The following PSD3 variants were observed in gnomAD, a reference collection of about 807,000 sequenced individuals.
The protein encoded by PSD3 is PH and SEC7 domain-containing protein 3.
PSD3 carries 49 observed loss-of-function variants against 105.5 expected under a neutral mutation model. The ratio of observed to expected loss-of-function variants is 0.46; its 90% CI spans 0.37 to 0.59. The LOEUF (loss-of-function observed/expected upper bound fraction) is 0.59. PSD3 is among the 20% of genes least tolerant of loss of function. The probability of loss-of-function intolerance (pLI) is 0.00; values close to 1 mark genes in which losing one functional copy is unlikely to be tolerated. For missense variants in PSD3, 1,561 were observed against 1,263.8 expected (o/e 1.24, Z -3.57); for synonymous variants, 557 against 457.8 (o/e 1.22, Z -2.77).
intron 1 of PSD3, among the ~76,000 whole-genome samples, chr8:19,055,158 T>C (rs753512295): frequency 2.0e-5 from 3 of 152,242 alleles, no homozygotes; most frequent in Non-Finnish European, 2.9e-5. Context: ...GATGTTGCTA[T>C]GTTGCCATAG....
chr8:18,737,845 G>A (rs559744051), intron 9 of PSD3, among the ~76,000 whole-genome samples: 1 of 152,186 alleles, frequency 6.6e-6, no homozygotes, highest in Admixed American at 6.5e-5. Context: ...TTCTAACTTT[G>A]ATTTTGACCT....
At chr8:18,580,899 C>T (rs1212342273) in intron 12 of PSD3, among the ~76,000 whole-genome samples, 1 of 152,150 alleles carries the variant, frequency 6.6e-6, no homozygotes, top group African/African-American at 2.4e-5. Context: ...CCACCTACAC[C>T]CGTCGCTCTT....
chr8:18,988,161 G>C (rs907879575), intron 1 of PSD3, among the ~76,000 whole-genome samples: 20 of 150,482 alleles, frequency 1.3e-4, no homozygotes, highest in Admixed American at 1.1e-3. Context: ...AAGGAGACCA[G>C]AAAGCAGCCT....
chr8:18,634,456 T>C (rs1380400470), intron 10 of PSD3, among the ~76,000 whole-genome samples: 2 of 152,174 alleles, frequency 1.3e-5, no homozygotes, highest in African/African-American at 4.8e-5. Flanking sequence ...ATTTCAAAAC[T>C]AAAAAATTAA....
At chr8:18,562,152 G>A (rs962252786) in intron 14 of PSD3, among the ~76,000 whole-genome samples, 3 of 152,144 alleles carry the variant, frequency 2.0e-5, no homozygotes, top group Admixed American at 1.3e-4. Flanking sequence ...CATACAGCAG[G>A]CACTGTGCTG....
At chr8:19,034,335 C>T (rs1040085179) in intron 1 of PSD3, among the ~76,000 whole-genome samples, 1 of 152,228 alleles carries the variant, frequency 6.6e-6, no homozygotes, top group South Asian at 2.1e-4. Context: ...GTCCTTTCTC[C>T]CTTCCTTCTG....
At chr8:18,805,681 C>G (rs1017531067) in intron 4 of PSD3, among the ~76,000 whole-genome samples, 4 of 152,272 alleles carry the variant, frequency 2.6e-5, no homozygotes, top group Admixed American at 2.0e-4. Flanking sequence ...CATTGGTTAT[C>G]TGCAAAACAT....
At chr8:18,960,704 C>G (rs543829173) in intron 1 of PSD3, among the ~76,000 whole-genome samples, 1 of 152,142 alleles carries the variant, frequency 6.6e-6, no homozygotes, top group Middle Eastern at 3.4e-3. Flanking sequence ...ATAACGAAGA[C>G]AATTTAAAGA....
intron 12 of PSD3, among the ~76,000 whole-genome samples, chr8:18,599,127 G>T (rs1007981905): frequency 3.3e-5 from 5 of 151,998 alleles, no homozygotes. Flanking sequence ...GAAGAACAAA[G>T]CTGTAGGCCT....
intron 11 of PSD3, among the ~76,000 whole-genome samples, chr8:18,605,116 C>A (rs140159367): frequency 7.9e-5 from 12 of 152,242 alleles, no homozygotes; most frequent in Non-Finnish European, 1.8e-4. Flanking sequence ...TCCTCCAGAC[C>A]TCAGAATGGT....
intron 11 of PSD3, among the ~76,000 whole-genome samples, chr8:18,619,056 T>C (rs1290970800): frequency 1.3e-5 from 2 of 152,092 alleles, no homozygotes; most frequent in East Asian, 1.9e-4. Flanking sequence ...CAAAGTGTTT[T>C]TTAAAAAATA....
chr8:18,717,409 G>A (rs1305288140), intron 9 of PSD3, among the ~76,000 whole-genome samples: 1 of 151,900 alleles, frequency 6.6e-6, no homozygotes, highest in Non-Finnish European at 1.5e-5. Context: ...TCTGCCAGGA[G>A]CATTTATTAC....
At chr8:19,074,611 A>ATTTTTT (rs1206111403) in intron 1 of PSD3, among the ~76,000 whole-genome samples, 8 of 24,224 alleles carry the variant, frequency 3.3e-4, no homozygotes, top group Admixed American at 1.4e-3. Context: ...ATATATATAT[A>ATTTTTT]TTTTTTTTTT....
intron 1 of PSD3, among the ~76,000 whole-genome samples, chr8:18,992,952 T>C (rs1825884895): frequency 6.6e-6 from 1 of 152,162 alleles, no homozygotes; most frequent in Non-Finnish European, 1.5e-5. Flanking sequence ...ATAAAAATAA[T>C]CTGATTAAAG....
intron 4 of PSD3, among the ~76,000 whole-genome samples, chr8:18,840,706 G>C (rs1814549844): frequency 6.6e-6 from 1 of 152,130 alleles, no homozygotes; most frequent in South Asian, 2.1e-4. Context: ...TCTGACTTTA[G>C]AGACCACACC....
chr8:18,907,400 C>A (rs1819915371), intron 2 of PSD3, among the ~76,000 whole-genome samples: 1 of 152,110 alleles, frequency 6.6e-6, no homozygotes. Flanking sequence ...TCTTTGAAAT[C>A]CTGGCCTCCA....
chr8:18,714,513 G>C (rs576108876), intron 9 of PSD3, among the ~76,000 whole-genome samples: 1 of 150,598 alleles, frequency 6.6e-6, no homozygotes, highest in African/African-American at 2.4e-5. Context: ...GTGCAGCCAA[G>C]AAACTTATGA....
At chr8:18,799,999 G>A (rs370488015) in intron 7 of PSD3, among the ~76,000 whole-genome samples, 33 of 152,124 alleles carry the variant, frequency 2.2e-4, no homozygotes, top group African/African-American at 7.7e-4. Context: ...TATAGTAGGT[G>A]ATTTCTGTTA....
At position 18,689,159 on chromosome 8, in the gene PSD3, G is replaced by C. The variant is rs572564859; in HGVS notation, c.2173-33474C>G. Among the ~76,000 whole-genome samples, 4 of 152,284 alleles carry C rather than the reference G, an allele frequency of 2.6e-5. No homozygotes were observed. In the South Asian group the frequency reaches 6.2e-4, roughly 24 times the overall value. ...AATGAACTCAATACACTTCTTTGCT[G>C]TGTCTACTAGGTACCAGATGCTGGG... On this transcript the variant is annotated intron_variant, in intron 9 of 15. Transcript: ENST00000327040.
Sources: allele counts gnomAD v4.1 joint callset (sites outside exome capture counted in the v4.1 genomes callset), GRCh38; gene constraint gnomAD v4.1.1; transcripts MANE v1.5; gene names NCBI Gene and HGNC (gene_info 2026-07-23, HGNC 2026-07-21).